MTFR1: variants seen among roughly 807,000 people sequenced by gnomAD.
MTFR1 encodes mitochondrial fission regulator 1, also known as chondrocyte protein with a poly-proline region.
Under a neutral mutation model 38.8 loss-of-function variants are expected in MTFR1, and 28 were observed. That is an observed-to-expected ratio of 0.72 (90% confidence interval 0.53 to 0.99). The LOEUF is 0.99. Among genes scored for constraint, MTFR1 ranks in the 50% least tolerant of loss-of-function variants. The pLI, the probability that MTFR1 is intolerant of heterozygous loss-of-function variation, is 0.00. For synonymous variants in MTFR1, 145 were observed against 137.0 expected (o/e 1.06, Z -0.41); for missense variants, 358 against 395.5 (o/e 0.91, Z 0.81).
downstream of MTFR1, among the ~76,000 whole-genome samples, chr8:65,713,646 T>G (rs1342337350): frequency 6.6e-6 from 1 of 152,174 alleles, no homozygotes; most frequent in Non-Finnish European, 1.5e-5. Flanking sequence ...TAAAACTATT[T>G]TAGAATCAAA....
intron 6 of MTFR1, 148 bp downstream of exon 6, chr8:65,707,404 C>T (rs1266002001): frequency 2.6e-6 from 2 of 766,738 alleles, no homozygotes; most frequent in African/African-American, 1.8e-5. Flanking sequence ...CTTCTATACA[C>T]AGTAGCTAAG....
At chr8:65,663,893 C>A (rs1020071589) in intron 1 of MTFR1, among the ~76,000 whole-genome samples, 3 of 148,268 alleles carry the variant, frequency 2.0e-5, no homozygotes, top group African/African-American at 7.5e-5. Context: ...GGCGCCACCT[C>A]GGCTCACTGC....
chr8:65,664,028 C>T (rs1804298574), intron 1 of MTFR1, among the ~76,000 whole-genome samples: 1 of 151,988 alleles, frequency 6.6e-6, no homozygotes, highest in Non-Finnish European at 1.5e-5. Flanking sequence ...GTTGGCCAGG[C>T]TGGTCTCGAA....
At chr8:65,649,730 A>G (rs1483110768) in intron 1 of MTFR1, among the ~76,000 whole-genome samples, 1 of 152,052 alleles carries the variant, frequency 6.6e-6, no homozygotes, top group African/African-American at 2.4e-5. Flanking sequence ...ATCAAATTCT[A>G]GGTCTTATTC....
chr8:65,714,905 C>T (rs1351252476), downstream of MTFR1: 1 of 152,116 alleles, frequency 6.6e-6, no homozygotes, highest in Non-Finnish European at 1.5e-5. Flanking sequence ...ATGATTTTTA[C>T]TTTTATACAG....
chr8:65,747,534 G>A, intron 3 of MTFR1: 1 of 548,318 alleles, frequency 1.8e-6, no homozygotes, highest in Admixed American at 4.1e-5. Flanking sequence ...TGGAAAATAG[G>A]CTCAACTGCT....
intron 3 of MTFR1, among the ~76,000 whole-genome samples, chr8:65,726,081 A>G (rs1806596253): frequency 6.6e-6 from 1 of 152,224 alleles, no homozygotes; most frequent in Non-Finnish European, 1.5e-5. Flanking sequence ...AAGGGAAACC[A>G]GAGAACAGCA....
chr8:65,745,316 T>C (rs1223886681), intron 3 of MTFR1: 1 of 780,752 alleles, frequency 1.3e-6, no homozygotes, highest in Non-Finnish European at 2.3e-6. Flanking sequence ...ACAACCTTAG[T>C]ACAGTAAATG....
intron 3 of MTFR1, among the ~76,000 whole-genome samples, chr8:65,744,012 T>C (rs1177951938): frequency 6.6e-6 from 1 of 152,186 alleles, no homozygotes; most frequent in Non-Finnish European, 1.5e-5. Context: ...TTTGTATTTT[T>C]AGTAGAGATG....
chr8:65,769,378 A>G (rs927369094), intron 3 of MTFR1, among the ~76,000 whole-genome samples: 6 of 152,216 alleles, frequency 3.9e-5, no homozygotes, highest in African/African-American at 1.4e-4. Flanking sequence ...TATTGATTAA[A>G]TCAGAATCAT....
rs538310283 is a variant in MTFR1, at chr8:65,746,016, G to T, written c.*49-24931G>T. On this transcript the variant is annotated intron_variant, in intron 3 of 3. Transcript: ENST00000521247. ...AAACAAGACGGCTCACTGCAGCCAT[G>T]ACCTCCTGGGCTCGAGCAATCCTCC... 3.8e-4 allele frequency among the ~76,000 whole-genome samples: 57 copies of T among 151,884 alleles called. No individual in the cohort carries two copies. In the South Asian group the frequency reaches 0.012, roughly 31 times the overall value.
chr8:65,678,604 A>T (rs1040141369), intron 2 of MTFR1, among the ~76,000 whole-genome samples: 1 of 152,092 alleles, frequency 6.6e-6, no homozygotes, highest in Non-Finnish European at 1.5e-5. Flanking sequence ...ATTCCTTATA[A>T]TTAAAAGCTG....
intron 4 of MTFR1, among the ~76,000 whole-genome samples, chr8:65,699,349 A>G (rs549944680): frequency 6.6e-6 from 1 of 152,286 alleles, no homozygotes; most frequent in South Asian, 2.1e-4. Flanking sequence ...TCCTTTAGGT[A>G]TATACCCAAT....
chr8:65,674,156 C>T (rs900171896), intron 2 of MTFR1, among the ~76,000 whole-genome samples: 4 of 152,074 alleles, frequency 2.6e-5, no homozygotes, highest in East Asian at 1.9e-4. Context: ...TGGTCTTGAA[C>T]GCCTGACCTC....
At chr8:65,747,628 T>C in intron 3 of MTFR1, 4 of 1,515,244 alleles carry the variant, frequency 2.6e-6, no homozygotes, top group Non-Finnish European at 2.7e-6. Context: ...AAAATTAATG[T>C]TTTCTTAAAA....
chr8:65,761,963 C>G (rs1404743855), intron 3 of MTFR1, among the ~76,000 whole-genome samples: 1 of 152,178 alleles, frequency 6.6e-6, no homozygotes, highest in Admixed American at 6.5e-5. Context: ...ACAAAAGAGG[C>G]CTTTAACAGA....
At chr8:65,710,990 TAG>T (rs58516082), downstream of MTFR1, among the ~76,000 whole-genome samples, 12,070 of 150,426 alleles carry the variant, frequency 0.08, 1,185 homozygotes, top group African/African-American at 0.24. Flanking sequence ...TATATATATA[TAG>T]AGAGAGAGAG....
intron 1 of MTFR1, among the ~76,000 whole-genome samples, chr8:65,669,520 A>C (rs1804500449): frequency 1.3e-5 from 2 of 152,158 alleles, no homozygotes; most frequent in South Asian, 4.1e-4. Context: ...AGCTGATCAC[A>C]AGCAAATCTT....
At chr8:65,778,121 G>A in the MTFR1 span, among the ~76,000 whole-genome samples, 2 of 152,138 alleles carry the variant, frequency 1.3e-5, no homozygotes, top group African/African-American at 4.8e-5. Context: ...GTTGGGAGAG[G>A]GCTGTGTCTT....
Sources: allele counts gnomAD v4.1 joint callset (sites outside exome capture counted in the v4.1 genomes callset), GRCh38; gene constraint gnomAD v4.1.1; transcripts MANE v1.5; gene names NCBI Gene and HGNC (gene_info 2026-07-23, HGNC 2026-07-21).